SCAPER: variants seen among roughly 807,000 people sequenced by gnomAD.
The protein encoded by SCAPER is S-phase cyclin A associated protein in the ER.
Under a neutral mutation model 182.2 loss-of-function variants are expected in SCAPER, and 98 were observed. That is an observed-to-expected ratio of 0.54 (90% CI 0.46 to 0.64). The LOEUF (loss-of-function observed/expected upper bound fraction) is 0.64, where lower values mean the gene tolerates loss of function less well. Ranked by LOEUF, SCAPER falls within the 30% of genes least tolerant of loss-of-function variation. The probability of loss-of-function intolerance (pLI) is 0.00; values close to 1 mark genes in which losing one functional copy is unlikely to be tolerated. For synonymous variants in SCAPER, 605 were observed against 564.6 expected (o/e 1.07, Z -1.01); for missense variants, 1,432 against 1,690.0 (o/e 0.85, Z 2.68).
At chr15:76,361,954 A>C (rs1436249314) in intron 29 of SCAPER, among the ~76,000 whole-genome samples, 2 of 152,100 alleles carry the variant, frequency 1.3e-5, no homozygotes, top group East Asian at 3.8e-4. Context: ...TGTAAAAGGG[A>C]CTGGAAAGTT....
chr15:76,537,422 C>T (rs535804112), intron 23 of SCAPER, among the ~76,000 whole-genome samples: 1 of 152,268 alleles, frequency 6.6e-6, no homozygotes, highest in African/African-American at 2.4e-5. Flanking sequence ...TGCTTATCTA[C>T]AACTATCTGA....
chr15:76,380,925 T>TATTTACCATTTACGTACCACTTACGTACC (rs1161275741), intron 28 of SCAPER: 1 of 152,532 alleles, frequency 6.6e-6, no homozygotes, highest in East Asian at 1.9e-4. Context: ...ATTTTGGTTC[T>TATTTACCATTTACGTACCACTTACGTACC]ATTTACGTAA....
At chr15:76,867,593 A>T (rs2072390733) in intron 2 of SCAPER, among the ~76,000 whole-genome samples, 1 of 152,084 alleles carries the variant, frequency 6.6e-6, no homozygotes, top group Non-Finnish European at 1.5e-5. Flanking sequence ...TGTATGAGCT[A>T]CTCTGTTCTG....
intron 2 of SCAPER, among the ~76,000 whole-genome samples, chr15:76,869,480 T>A (rs1487144263): frequency 6.6e-6 from 1 of 151,868 alleles, no homozygotes; most frequent in Non-Finnish European, 1.5e-5. Flanking sequence ...TCAAAAGATA[T>A]ACAAAATGGC....
In SCAPER at chr15:76,706,105, T is replaced by A. The variant is rs113931036; in HGVS notation, c.2166-121A>T. ...TCTAAAGGGCTACTTTTTTAAAATA[T>A]TCTTCTTAAAGTGCCTACTAAGTCT... On this transcript the variant is annotated intron_variant, in intron 17 of 31. Transcript: ENST00000563290. 1,562 of 617,754 alleles carry A rather than the reference T, an allele frequency of 2.5e-3. 14 individuals carry two copies. The African/African-American group carries it at 0.027, about 11-fold the overall frequency. 38.3% of individuals were successfully genotyped at this position (617,754 alleles called of 1,614,324 possible).
chr15:76,643,415 C>G (rs549096562), intron 21 of SCAPER, among the ~76,000 whole-genome samples: 1 of 152,308 alleles, frequency 6.6e-6, no homozygotes, highest in Admixed American at 6.5e-5. Context: ...GGCATGGTGG[C>G]TAACGCCTGT....
At chr15:76,396,076 C>A (rs996729668) in intron 27 of SCAPER, among the ~76,000 whole-genome samples, 1 of 152,312 alleles carries the variant, frequency 6.6e-6, no homozygotes, top group South Asian at 2.1e-4. Context: ...TTCCCAGCAT[C>A]ATTTATTGAA....
intron 29 of SCAPER, among the ~76,000 whole-genome samples, chr15:76,373,896 ATT>A (rs796315925): frequency 7.0e-6 from 1 of 142,042 alleles, no homozygotes. Flanking sequence ...GGCCTGCCTT[ATT>A]TTTTTTTTTT....
At chr15:76,510,456 A>G (rs183412788) in intron 23 of SCAPER, among the ~76,000 whole-genome samples, 1 of 152,366 alleles carries the variant, frequency 6.6e-6, no homozygotes, top group African/African-American at 2.4e-5. Context: ...ACAATTCTCA[A>G]AAGAACATAT....
intron 10 of SCAPER, among the ~76,000 whole-genome samples, chr15:76,770,964 G>A (rs1372287556): frequency 6.6e-6 from 1 of 151,872 alleles, no homozygotes; most frequent in Non-Finnish European, 1.5e-5. Flanking sequence ...CATCTCTACT[G>A]TTATTATCCC....
rs768330990 is a variant in SCAPER at position 76,695,826 on chromosome 15, T to TAC, written c.2508+5930_2508+5931dup. ...ATTATATACTGAATACACATACATT[T>TAC]ACACACACACACACACCCCATAAAA... is the stretch of plus-strand genomic sequence containing the variant. On this transcript the variant is annotated intron_variant, in intron 20 of 31. Transcript: ENST00000563290. 2.8e-4 allele frequency among the ~76,000 whole-genome samples: 42 copies of TAC among 150,968 alleles called. No individual in the cohort carries two copies. In the Middle Eastern group the frequency reaches 0.01, roughly 37 times the overall value.
intron 17 of SCAPER, among the ~76,000 whole-genome samples, chr15:76,720,185 T>A (rs1239999343): frequency 4.0e-5 from 6 of 151,344 alleles, no homozygotes; most frequent in South Asian, 2.1e-4. Flanking sequence ...TGGTGTTCGG[T>A]TTTTTGTCCT....
At chr15:76,565,366 G>C (rs530217631) in intron 23 of SCAPER, among the ~76,000 whole-genome samples, 31 of 152,152 alleles carry the variant, frequency 2.0e-4, no homozygotes, top group African/African-American at 7.5e-4. Context: ...AGTGGGCAAA[G>C]GGCAAGAACA....
In SCAPER at chr15:76,795,397, C is replaced by G. The variant is rs918830787; in HGVS notation, c.655G>C (p.Gly219Arg). 3 of 1,608,086 alleles carry G rather than the reference C, an allele frequency of 1.9e-6. No individual in the cohort carries two copies. The African/African-American group carries it at 4.0e-5, about 22-fold the overall frequency. Residue 219 changes from glycine to arginine, a missense_variant, in exon 8 of 32, where the codon GGT (glycine) becomes CGT (arginine). Transcript: ENST00000563290. ...TTTACCTTGTCAGCCCAACTGACAC[C>G]TGTGGGAGCCAGACGAGGAGCTGGC... Reference protein sequence around the residue: ...TVPAPRLAPTGVSWADKVKAH... With the variant: ...TVPAPRLAPTRVSWADKVKAH...
chr15:76,538,582 G>C (rs1453726280), intron 23 of SCAPER, among the ~76,000 whole-genome samples: 2 of 152,156 alleles, frequency 1.3e-5, no homozygotes, highest in Non-Finnish European at 2.9e-5. Flanking sequence ...CGGGGAGAGG[G>C]GAGGGATAGC....
At chr15:76,386,684 C>T (rs2043313769) in intron 27 of SCAPER, among the ~76,000 whole-genome samples, 1 of 152,008 alleles carries the variant, frequency 6.6e-6, no homozygotes, top group Admixed American at 6.6e-5. Context: ...AAGGGTGTTT[C>T]AGGTAAAAGA....
intron 23 of SCAPER, among the ~76,000 whole-genome samples, chr15:76,512,349 G>A (rs935893151): frequency 6.6e-6 from 1 of 152,058 alleles, no homozygotes; most frequent in Non-Finnish European, 1.5e-5. Context: ...TTCCAAGACT[G>A]AAGGAAATGT....
chr15:76,406,780 A>G (rs2142169057), intron 26 of SCAPER, among the ~76,000 whole-genome samples: 1 of 152,322 alleles, frequency 6.6e-6, no homozygotes, highest in South Asian at 2.1e-4. Flanking sequence ...CCTATTTCAT[A>G]TGGTCCTGGG....
chr15:76,540,208 C>A (rs1318915150), intron 23 of SCAPER, among the ~76,000 whole-genome samples: 1 of 151,960 alleles, frequency 6.6e-6, no homozygotes, highest in African/African-American at 2.4e-5. Context: ...CAAGACCAGC[C>A]TGGGCAACAT....
Sources: gnomAD v4.1 joint callset for allele counts (sites outside exome capture counted in the v4.1 genomes callset) on GRCh38, gnomAD v4.1.1 for gene constraint, MANE v1.5 for transcripts, NCBI Gene and HGNC (gene_info 2026-07-23, HGNC 2026-07-21) for gene names.